The following UBE2E2 variants were observed in gnomAD, a reference collection of about 807,000 sequenced individuals.
UBE2E2 encodes the protein ubiquitin-conjugating enzyme E2 E2.
A neutral mutation model predicts 24.7 loss-of-function variants in UBE2E2; 6 were observed. The ratio of observed to expected loss-of-function variants is 0.24; its 90% confidence interval spans 0.13 to 0.48. UBE2E2 has a LOEUF of 0.48. Among genes scored for constraint, UBE2E2 ranks in the 20% least tolerant of loss-of-function variants. The pLI is 0.99. For synonymous variants in UBE2E2, 104 were observed against 83.6 expected (o/e 1.24, Z -1.33); for missense variants, 169 against 245.0 (o/e 0.69, Z 2.07).
chr3:23,248,659 G>A (rs906059433), intron 3 of UBE2E2, among the ~76,000 whole-genome samples: 1 of 152,228 alleles, frequency 6.6e-6, no homozygotes, highest in Non-Finnish European at 1.5e-5. Context: ...AAGAGTGCAA[G>A]TGAGAGTCAT....
At chr3:23,449,397 A>T (rs78695961) in intron 3 of UBE2E2, among the ~76,000 whole-genome samples, 1,860 of 152,342 alleles carry the variant, frequency 0.012, 40 homozygotes, top group African/African-American at 0.042. Context: ...CACAAGAAGT[A>T]ACTGGATGGA....
chr3:23,414,364 T>G (rs745736918), intron 3 of UBE2E2, among the ~76,000 whole-genome samples: 11 of 152,002 alleles, frequency 7.2e-5, no homozygotes, highest in Non-Finnish European at 1.3e-4. Context: ...CCTGACATAG[T>G]GCTTGGTATA....
chr3:23,583,893 C>T lies in UBE2E2; in HGVS notation c.509-5841C>T, dbSNP rs7612874. On this transcript the variant is annotated intron_variant, in intron 5 of 5. Transcript: ENST00000396703. The surrounding 1 kb of genome is among the most constrained non-coding windows in gnomAD (Gnocchi z 4.1). ...TAGTTTGACTTCCTCCCTTCCTATT[C>T]GAATGCATTTTATTTCTTTCTCTTG... Among the ~76,000 whole-genome samples the T allele has an allele frequency of 3.4e-4, 51 of 152,076 alleles. No homozygotes were observed. The highest frequency in any genetic ancestry group is 2.6e-3 in the Admixed American group (39 of 15,264).
intron 5 of UBE2E2, among the ~76,000 whole-genome samples, chr3:23,540,387 C>T (rs1299256776): frequency 7.5e-6 from 1 of 133,848 alleles, no homozygotes; most frequent in African/African-American, 3.1e-5. Context: ...GTTTGATGCC[C>T]TTTTGTTTGT....
chr3:23,501,578 G>A (rs963763803), intron 4 of UBE2E2, among the ~76,000 whole-genome samples: 1 of 152,190 alleles, frequency 6.6e-6, no homozygotes, highest in Non-Finnish European at 1.5e-5. Context: ...AAGTTGACTG[G>A]TAAAAATAGG....
chr3:23,494,976 A>G lies in UBE2E2; in HGVS notation c.228-4632A>G, dbSNP rs562684068. The stretch of plus-strand genomic sequence containing the variant: ...TTTTAGTAAAGATGGGGTTTCACCA[A>G]GTTGGCCAGGCTGGTCTCAAACTCC... On this transcript the variant is annotated intron_variant, in intron 3 of 5. Transcript: ENST00000396703. 2.0e-5 allele frequency among the ~76,000 whole-genome samples: 3 copies of G among 152,074 alleles called. No homozygotes were observed. The East Asian group carries it at 5.8e-4, about 29-fold the overall frequency.
chr3:23,406,416 G>A (rs1697357413), intron 3 of UBE2E2, among the ~76,000 whole-genome samples: 1 of 152,178 alleles, frequency 6.6e-6, no homozygotes, highest in Admixed American at 6.5e-5. Flanking sequence ...TTGCCAGTCT[G>A]TAAAATCGCA....
intron 3 of UBE2E2, among the ~76,000 whole-genome samples, chr3:23,263,974 G>A (rs940704187): frequency 6.6e-6 from 1 of 152,092 alleles, no homozygotes; most frequent in African/African-American, 2.4e-5. Context: ...ATTCTACAGG[G>A]TATCCGTGGT....
intron 4 of UBE2E2, among the ~76,000 whole-genome samples, chr3:23,532,350 C>T (rs1054296065): frequency 6.6e-6 from 1 of 152,080 alleles, no homozygotes; most frequent in Non-Finnish European, 1.5e-5. Context: ...ATGTTTATTT[C>T]TCTGTGCCCA....
intron 3 of UBE2E2, among the ~76,000 whole-genome samples, chr3:23,290,889 T>TGA (rs1698746152): frequency 2.3e-5 from 2 of 86,766 alleles, no homozygotes; most frequent in Non-Finnish European, 4.4e-5. Context: ...ACTGTGTGTC[T>TGA]AAAAAAAAAA....
intron 5 of UBE2E2, among the ~76,000 whole-genome samples, chr3:23,546,460 ATTTTTTTTTTTT>A (rs899923576): frequency 1.2e-4 from 9 of 76,860 alleles, no homozygotes; most frequent in East Asian, 4.6e-4. Flanking sequence ...GAACATTTAG[ATTTTTTTTTTTT>A]TTTTTTTTTT....
rs1230682775 is a variant in UBE2E2 at position 23,300,720 on chromosome 3, T to G, written c.227+83408T>G. On this transcript the variant is annotated intron_variant, in intron 3 of 5. Coordinates refer to ENST00000396703, the MANE Select transcript of UBE2E2 (RefSeq NM_152653.4). ...TTCTCTCTGGCTGCCCTTAACATTT[T>G]TTCCTTCATTTCAACTTTGGTGAAT... is the stretch of plus-strand genomic sequence containing the variant. Among the ~76,000 whole-genome samples the G allele has an allele frequency of 5.3e-5, 8 of 152,128 alleles. No individual in the cohort carries two copies. In the East Asian group the frequency reaches 1.5e-3, roughly 29 times the overall value.
intron 3 of UBE2E2, among the ~76,000 whole-genome samples, chr3:23,289,931 G>C (rs1698716789): frequency 2.0e-5 from 3 of 152,104 alleles, no homozygotes; most frequent in African/African-American, 7.2e-5. Context: ...CCATACTTTT[G>C]CATAAAGAAT....
At position 23,203,362 on chromosome 3, in the gene UBE2E2, C is replaced by A. The variant is rs1440752370; in HGVS notation, c.-111C>A. On this transcript the variant is annotated 5_prime_UTR_variant, in exon 1 of 6. Coordinates refer to ENST00000396703, the MANE Select transcript of UBE2E2 (RefSeq NM_152653.4). ...GACTAGACGGTCCGCAGGGGACATC[C>A]CGTCCCTGGGGCCTCCCCAGTCTCC... The A allele has an allele frequency of 3.8e-5, 37 of 985,982 alleles. No homozygotes were observed. The highest frequency in any genetic ancestry group is 4.2e-5 in the Non-Finnish European group (35 of 830,376). The allele number at this position is 985,982 out of a possible 1,614,324, so 61.1% of individuals were successfully genotyped here.
intron 3 of UBE2E2, among the ~76,000 whole-genome samples, chr3:23,363,798 A>G (rs762583962): frequency 6.6e-6 from 1 of 152,128 alleles, no homozygotes; most frequent in African/African-American, 2.4e-5. Context: ...AAACGGGCCT[A>G]GTAGACATCT....
In UBE2E2 at chr3:23,326,110, C is replaced by T. The variant is rs376821288; in HGVS notation, c.227+108798C>T. Among the ~76,000 whole-genome samples, 88 of 152,260 alleles carry T rather than the reference C, an allele frequency of 5.8e-4. 1 individual carries two copies. In the East Asian group the frequency reaches 9.6e-3, roughly 17 times the overall value. On this transcript the variant is annotated intron_variant, in intron 3 of 5. Coordinates refer to ENST00000396703, the MANE Select transcript of UBE2E2 (RefSeq NM_152653.4). ...TTTTTGAGGTGGAGTCTTGCTTTCT[C>T]GCCCAGGCTGGAGTGCAGTGGCGCG...
intron 3 of UBE2E2, chr3:23,449,730 TA>T: frequency 6.7e-6 from 3 of 446,732 alleles, no homozygotes; most frequent in Non-Finnish European, 8.9e-6. Flanking sequence ...TCATCAGTTC[TA>T]AAAACTTATC....
At chr3:23,450,656 T>C (rs66649889) in intron 3 of UBE2E2, among the ~76,000 whole-genome samples, 68,941 of 152,036 alleles carry the variant, frequency 0.45, 16,056 homozygotes, top group East Asian at 0.59. Flanking sequence ...AAAATTTATT[T>C]AATTTTAAAA....
intron 2 of UBE2E2, among the ~76,000 whole-genome samples, chr3:23,213,157 C>T (rs1358358115): frequency 6.6e-6 from 1 of 152,004 alleles, no homozygotes; most frequent in African/African-American, 2.4e-5. Flanking sequence ...AATTACTTTG[C>T]GAATCTGCGT....
Sources: gnomAD v4.1 joint callset for allele counts (sites outside exome capture counted in the v4.1 genomes callset) on GRCh38, gnomAD v4.1.1 for gene constraint, Gnocchi (gnomAD v3.1) non-coding constraint, MANE v1.5 for transcripts, NCBI Gene and HGNC (gene_info 2026-07-23, HGNC 2026-07-21) for gene names.